Variants in ANKHD1 observed in about 807,000 individuals in gnomAD.
The protein encoded by ANKHD1 is ankyrin repeat and KH domain containing 1.
Under a neutral mutation model 230.5 loss-of-function variants are expected in ANKHD1, and 31 were observed. That is an observed-to-expected ratio of 0.13 (90% CI 0.10 to 0.18). ANKHD1 has a LOEUF of 0.18. ANKHD1 is among the 10% of genes least tolerant of loss of function. The pLI, the probability that ANKHD1 is intolerant of heterozygous loss-of-function variation, is 1.00. For synonymous variants in ANKHD1, 1,074 were observed against 1,117.6 expected (o/e 0.96, Z 0.78); for missense variants, 2,256 against 3,071.3 (o/e 0.73, Z 6.27).
chr5:140,527,924 A>G lies in ANKHD1; in HGVS notation c.5139A>G (p.Arg1713=), dbSNP rs1753673999. The G allele has an allele frequency of 3.1e-6, 5 of 1,613,984 alleles. No homozygotes were observed. The African/African-American group carries it at 4.0e-5, about 13-fold the overall frequency. The change falls in exon 28 of 34, where the codon AGA becomes AGG. Residue 1713 remains arginine (R), a synonymous_variant. Transcript: ENST00000360839. This position sits in a 1 kb window ranked among gnomAD's most constrained non-coding sequence, Gnocchi z 4.5. ...CAGTGGTGTCGAGGATAATGGGAAG[A>G]GGAGGATGCAACATCACTGCAATAC... ...PASVVSRIMG[R]GGCNITAIQD...
chr5:140,507,742 G>A lies in ANKHD1; in HGVS notation c.3552-43G>A, dbSNP rs1752601115. 6.3e-7 allele frequency: 1 copy of A among 1,595,158 alleles called. No homozygotes were observed. The highest frequency in any genetic ancestry group is 1.1e-5 in the South Asian group (1 of 89,320). On this transcript the variant is annotated intron_variant, in intron 19 of 33. Coordinates refer to ENST00000360839, the MANE Select transcript of ANKHD1 (RefSeq NM_017747.3). This position sits in a 1 kb window ranked among gnomAD's most constrained non-coding sequence, Gnocchi z 4.1. ...CTTTAATGCTTTTCTAAAATAATAG[G>A]CAACATATTATTTTAATTTTCTAAG...
chr5:140,404,947 CTCTT>C (rs1770297921), intron 1 of ANKHD1, among the ~76,000 whole-genome samples: 1 of 148,618 alleles, frequency 6.7e-6, no homozygotes, highest in African/African-American at 2.5e-5. Context: ...TTGTCTCTCT[CTCTT>C]TCTGACTGTG....
chr5:140,501,072 AC>A (rs1184131945), intron 15 of ANKHD1, among the ~76,000 whole-genome samples: 2 of 151,478 alleles, frequency 1.3e-5, no homozygotes, highest in Non-Finnish European at 2.9e-5. Context: ...TTTCTAATTG[AC>A]TTTAATATTT....
At chr5:140,419,788 T>TTCTC (rs760958601) in intron 1 of ANKHD1, among the ~76,000 whole-genome samples, 9,803 of 87,908 alleles carry the variant, frequency 0.11, 516 homozygotes, top group East Asian at 0.23. Context: ...CTTTCTTTCT[T>TTCTC]TCTTTCTTTC....
chr5:140,491,255 C>T (rs372373550), intron 14 of ANKHD1, among the ~76,000 whole-genome samples: 5 of 146,486 alleles, frequency 3.4e-5, no homozygotes, highest in Non-Finnish European at 6.0e-5. Flanking sequence ...CCCCAACCTC[C>T]GAGGTTCAAG....
chr5:140,519,223 G>A (rs1753198054), intron 24 of ANKHD1, among the ~76,000 whole-genome samples: 1 of 152,094 alleles, frequency 6.6e-6, no homozygotes, highest in Non-Finnish European at 1.5e-5. Flanking sequence ...ACTTACAAGG[G>A]ATGTAAAGGA....
chr5:140,502,276 G>C (rs575120695), intron 15 of ANKHD1, among the ~76,000 whole-genome samples: 1 of 151,932 alleles, frequency 6.6e-6, no homozygotes, highest in African/African-American at 2.4e-5. Context: ...TTTGTAATTA[G>C]TCCTGTTAAA....
At chr5:140,530,016 C>G (rs1386991506) in intron 29 of ANKHD1, among the ~76,000 whole-genome samples, 1 of 151,308 alleles carries the variant, frequency 6.6e-6, no homozygotes, top group Admixed American at 6.6e-5. Flanking sequence ...AAAAAAACTC[C>G]AGGGATGTTT....
chr5:140,466,377 GCAA>G (rs1776087326), intron 10 of ANKHD1, among the ~76,000 whole-genome samples: 1 of 136,636 alleles, frequency 7.3e-6, no homozygotes, highest in African/African-American at 2.8e-5. Flanking sequence ...GGCAACAAGA[GCAA>G]AAACGCCATC....
rs1386429737 is a variant in ANKHD1 at position 140,417,926 on chromosome 5, G to A, written c.306+15653G>A. 3.7e-5 allele frequency among the ~76,000 whole-genome samples: 5 copies of A among 134,610 alleles called. No individual in the cohort carries two copies. In the East Asian group the frequency reaches 1.0e-3, roughly 27 times the overall value. The allele number at this position is 134,610 out of a possible 152,430, so 88.3% of individuals were successfully genotyped here. A position where few individuals can be genotyped will look rare whatever the true frequency, so the allele number is the denominator to read the frequency against. On this transcript the variant is annotated intron_variant, in intron 1 of 33. Coordinates refer to ENST00000360839, the MANE Select transcript of ANKHD1 (RefSeq NM_017747.3). ...ACAGTCTTGGCTCACTGCAACCTCC[G>A]CCTCCTGGGTTCAAGCAATTCTCCT...
intron 7 of ANKHD1, among the ~76,000 whole-genome samples, chr5:140,450,579 G>T (rs932106641): frequency 6.6e-6 from 1 of 151,488 alleles, no homozygotes; most frequent in African/African-American, 2.4e-5. Flanking sequence ...TCACTCTGTT[G>T]CCCAGGGTAG....
intron 7 of ANKHD1, among the ~76,000 whole-genome samples, chr5:140,452,886 G>C (rs1774861842): frequency 6.6e-6 from 1 of 152,342 alleles, no homozygotes; most frequent in South Asian, 2.1e-4. Flanking sequence ...TTAACGAATT[G>C]AGAGAAGAAG....
chr5:140,420,049 G>T (rs1439488053), intron 1 of ANKHD1, among the ~76,000 whole-genome samples: 1 of 139,396 alleles, frequency 7.2e-6, no homozygotes, highest in Non-Finnish European at 1.5e-5. Context: ...AGGCTGGAAT[G>T]TAGTTGCTCC....
At chr5:140,505,469 GGTA>G (rs1752498894) in intron 17 of ANKHD1, among the ~76,000 whole-genome samples, 1 of 152,084 alleles carries the variant, frequency 6.6e-6, no homozygotes, top group South Asian at 2.1e-4. Flanking sequence ...TTAATCCAAA[GGTA>G]GTTCATACAG....
At chr5:140,451,151 C>CA (rs1774706103) in intron 7 of ANKHD1, among the ~76,000 whole-genome samples, 2 of 151,710 alleles carry the variant, frequency 1.3e-5, no homozygotes, top group South Asian at 4.2e-4. Flanking sequence ...GACTCTGTCT[C>CA]AAAAAACAAA....
chr5:140,455,438 T>C (rs1775099164), intron 7 of ANKHD1, among the ~76,000 whole-genome samples: 1 of 152,196 alleles, frequency 6.6e-6, no homozygotes, highest in Admixed American at 6.5e-5. Flanking sequence ...CCAATATCCC[T>C]GATGAACATC....
At chr5:140,439,030 T>C (rs1773656634) in intron 3 of ANKHD1, among the ~76,000 whole-genome samples, 1 of 152,182 alleles carries the variant, frequency 6.6e-6, no homozygotes, top group South Asian at 2.1e-4. Context: ...ACTGGCAGTA[T>C]CAGCATCACC....
At chr5:140,501,080 ATTTTATTTATAGGT>A in intron 15 of ANKHD1, among the ~76,000 whole-genome samples, 1 of 150,910 alleles carries the variant, frequency 6.6e-6, no homozygotes, top group East Asian at 1.9e-4. Context: ...TGACTTTAAT[ATTTTATTTATAGGT>A]TTTTGTTTTT....
intron 24 of ANKHD1, among the ~76,000 whole-genome samples, chr5:140,514,308 A>G (rs1221285320): frequency 6.6e-6 from 1 of 152,032 alleles, no homozygotes; most frequent in African/African-American, 2.4e-5. Context: ...CAGCCTGGGC[A>G]ACATGGCAAA....
Sources: gnomAD v4.1 joint callset for allele counts (sites outside exome capture counted in the v4.1 genomes callset) on GRCh38, gnomAD v4.1.1 for gene constraint, Gnocchi (gnomAD v3.1) non-coding constraint, MANE v1.5 for transcripts, NCBI Gene and HGNC (gene_info 2026-07-23, HGNC 2026-07-21) for gene names.